The following SPINK8 variants were observed in gnomAD, a reference collection of about 807,000 sequenced individuals.
SPINK8 encodes the protein serine peptidase inhibitor Kazal type 8 (putative), also known as serine protease inhibitor Kazal-type 8.
In SPINK8, 12 loss-of-function variants were observed where a neutral mutation model predicts 14.4. That is an observed-to-expected ratio of 0.83 (90% CI 0.53 to 1.35). The LOEUF is 1.35. Ranked by LOEUF, SPINK8 falls within the 40% of genes most tolerant of loss-of-function variation. The pLI, the probability that SPINK8 is intolerant of heterozygous loss-of-function variation, is 0.00. For missense variants in SPINK8, 103 were observed against 117.0 expected (o/e 0.88, Z 0.55); for synonymous variants, 32 against 37.6 (o/e 0.85, Z 0.55).
At position 48,318,094 on chromosome 3, in the gene SPINK8, G is replaced by T. The variant is rs533009612; in HGVS notation, c.239+1403C>A. Among the ~76,000 whole-genome samples the T allele has an allele frequency of 7.2e-5, 11 of 152,020 alleles. 1 individual carries two copies. The South Asian group carries it at 2.3e-3, about 32-fold the overall frequency. On this transcript the variant is annotated intron_variant, in intron 6 of 7. Coordinates refer to ENST00000434006, the MANE Select transcript of SPINK8 (RefSeq NM_001080525.3). ...GTTGGTATTAATCCAAATTAGATTG[G>T]TATAAATTAGAATTTAACTTGTAAT...
chr3:48,319,385 TG>T, intron 6 of SPINK8, 111 bp downstream of exon 6: 1 of 1,254,428 alleles, frequency 8.0e-7, no homozygotes, highest in Non-Finnish European at 1.1e-6. Context: ...GAGGAATGTC[TG>T]GAGAGAAGGT....
intron 6 of SPINK8, among the ~76,000 whole-genome samples, chr3:48,316,920 G>A (rs1279829974): frequency 6.6e-6 from 1 of 152,200 alleles, no homozygotes; most frequent in Non-Finnish European, 1.5e-5. Context: ...GTTGCTAGCA[G>A]ACCTACAAAA....
chr3:48,328,419 A>G, intron 3 of SPINK8, 65 bp from the exon 4 acceptor site: 1 of 1,163,474 alleles, frequency 8.6e-7, no homozygotes, highest in East Asian at 2.6e-5. Flanking sequence ...TCTCACAGAG[A>G]TCCCTCACTG....
chr3:48,320,925 C>T, intron 5 of SPINK8, 100 bp downstream of exon 5: 3 of 1,176,030 alleles, frequency 2.6e-6, no homozygotes, highest in Non-Finnish European at 3.6e-6. Flanking sequence ...CCATGCAAGC[C>T]CCCTCCACTG....
At position 48,321,812 on chromosome 3, in the gene SPINK8, TA is replaced by T. The variant is rs907880824; in HGVS notation, c.68-739del. On this transcript the variant is annotated intron_variant, in intron 4 of 7. Transcript: ENST00000434006. ...GTGGGTGAAAGAGCAAGACTCCGTCTAAAAAAAAAAAAAGTTTTCAGACAGA... is the reference window on the plus strand; with the variant it reads ...GTGGGTGAAAGAGCAAGACTCCGTCTAAAAAAAAAAAAGTTTTCAGACAGA... 2.9e-3 allele frequency among the ~76,000 whole-genome samples: 405 copies of T among 141,056 alleles called. 1 individual carries two copies. The highest frequency in any genetic ancestry group is 3.4e-3 in the Admixed American group (48 of 14,132). 92.5% of individuals were successfully genotyped at this position (141,056 alleles called of 152,430 possible).
In SPINK8 at chr3:48,328,317, T is replaced by G. The variant is rs150222726; in HGVS notation, c.25A>C (p.Ile9Leu). The change falls in exon 4 of 8, where the codon ATC becomes CTC. Residue 9 changes from isoleucine (I) to leucine (L), a missense_variant. Ile to Leu is a conservative substitution (Grantham distance 5). Transcript: ENST00000434006. ...CACATGGAGGTAGCTAGAACAAGGA[T>G]GGCGTCTGAGCAGATCCCCTTCATG... MKGICSDA[I>L]LVLATSMWMA... 3 of 1,611,724 alleles carry G rather than the reference T, an allele frequency of 1.9e-6. No individual in the cohort carries two copies. In the African/African-American group the frequency reaches 4.0e-5, roughly 21 times the overall value.
At chr3:48,314,663 T>C (rs569998276) in intron 6 of SPINK8, among the ~76,000 whole-genome samples, 1 of 152,334 alleles carries the variant, frequency 6.6e-6, no homozygotes, top group South Asian at 2.1e-4. Flanking sequence ...AAACCTCTCT[T>C]GGTGCAAACA....
chr3:48,317,636 C>T (rs772324483), intron 6 of SPINK8, among the ~76,000 whole-genome samples: 4 of 151,614 alleles, frequency 2.6e-5, no homozygotes, highest in Non-Finnish European at 5.9e-5. Flanking sequence ...CTGCCTGAGC[C>T]TCCTGAGTAG....
intron 4 of SPINK8, among the ~76,000 whole-genome samples, chr3:48,326,300 G>C (rs918665911): frequency 1.3e-5 from 2 of 152,124 alleles, no homozygotes; most frequent in East Asian, 3.9e-4. Flanking sequence ...CCTACCTTTT[G>C]AAACATTTAT....
chr3:48,313,281 C>T (rs2035947394), intron 6 of SPINK8, among the ~76,000 whole-genome samples: 1 of 151,908 alleles, frequency 6.6e-6, no homozygotes, highest in South Asian at 2.1e-4. Context: ...ACAACTAAAA[C>T]ATAAAGACAA....
chr3:48,310,259 C>T (rs1181042196), intron 6 of SPINK8, among the ~76,000 whole-genome samples: 1 of 152,040 alleles, frequency 6.6e-6, no homozygotes. Context: ...GCTGAAACAT[C>T]GCTACTGACC....
intron 2 of SPINK8, among the ~76,000 whole-genome samples, chr3:48,329,916 A>C (rs1486494274): frequency 6.6e-6 from 1 of 152,256 alleles, no homozygotes; most frequent in African/African-American, 2.4e-5. Flanking sequence ...CTGGAGATAG[A>C]GTGCTCATTT....
rs534862504 is a variant in SPINK8 at position 48,331,302 on chromosome 3, C to T, written c.-136+1064G>A. Reference sequence around the variant, plus strand: ...GGGAGCTACTGGTAGTATAGCGGCACGGAGGGGATTACCCTATACTAGGGG... The same window carrying T: ...GGGAGCTACTGGTAGTATAGCGGCATGGAGGGGATTACCCTATACTAGGGG... On this transcript the variant is annotated intron_variant, in intron 2 of 7. Coordinates refer to ENST00000434006, the MANE Select transcript of SPINK8 (RefSeq NM_001080525.3). Among the ~76,000 whole-genome samples, 288 of 152,204 alleles carry T rather than the reference C, an allele frequency of 1.9e-3. 7 individuals carry two copies. The highest frequency in any genetic ancestry group is 0.018 in the Admixed American group (272 of 15,290).
At chr3:48,323,095 TC>T (rs2036096045) in intron 4 of SPINK8, among the ~76,000 whole-genome samples, 1 of 152,192 alleles carries the variant, frequency 6.6e-6, no homozygotes, top group South Asian at 2.1e-4. Context: ...CTTTCTTTTT[TC>T]TTATAGCCAT....
At chr3:48,322,298 A>C (rs1422132074) in intron 4 of SPINK8, among the ~76,000 whole-genome samples, 3 of 148,406 alleles carry the variant, frequency 2.0e-5, no homozygotes, top group African/African-American at 7.5e-5. Flanking sequence ...CTCCTGCCCC[A>C]CCCTCGCCCC....
intron 4 of SPINK8, among the ~76,000 whole-genome samples, chr3:48,323,204 G>A (rs1450398905): frequency 1.3e-5 from 2 of 152,040 alleles, no homozygotes; most frequent in Non-Finnish European, 2.9e-5. Context: ...GAGTGCAGTG[G>A]CGTGATCTCT....
rs202092070 is a variant in SPINK8 at position 48,319,645 on chromosome 3, T to C, written c.118-27A>G. 378 of 1,613,484 alleles carry C rather than the reference T, an allele frequency of 2.3e-4. 4 individuals are homozygous for C. In the East Asian group the frequency reaches 6.7e-3, roughly 28 times the overall value. ...TGAAGGTGAGACACACACAACTGCT[T>C]CAGACACTTTCATCCAGGTCCTTTG... is the stretch of plus-strand genomic sequence containing the variant. On this transcript the variant is annotated intron_variant, in intron 5 of 7. Transcript: ENST00000434006.
At chr3:48,311,435 A>G (rs908673066) in intron 6 of SPINK8, among the ~76,000 whole-genome samples, 1 of 152,230 alleles carries the variant, frequency 6.6e-6, no homozygotes, top group African/African-American at 2.4e-5. Context: ...CAAATTGGAA[A>G]GGAAGAAGTA....
At chr3:48,333,395 A>T (rs1214044177) in intron 1 of SPINK8, among the ~76,000 whole-genome samples, 140 bp downstream of exon 1, 1 of 152,170 alleles carries the variant, frequency 6.6e-6, no homozygotes, top group Non-Finnish European at 1.5e-5. Context: ...ACGTTTAAAA[A>T]GAACATAGGG....
Sources: gnomAD v4.1 joint callset for allele counts (sites outside exome capture counted in the v4.1 genomes callset) on GRCh38, gnomAD v4.1.1 for gene constraint, MANE v1.5 for transcripts, NCBI Gene and HGNC (gene_info 2026-07-23, HGNC 2026-07-21) for gene names.